ANK3: variants seen among roughly 807,000 people sequenced by gnomAD.
ANK3 encodes ankyrin 3, also known as ankyrin-3.
Under a neutral mutation model 370.9 loss-of-function variants are expected in ANK3, and 57 were observed. That is an observed-to-expected ratio of 0.15 (90% CI 0.12 to 0.19). The LOEUF is 0.19. Ranked by LOEUF, ANK3 falls within the 10% of genes least tolerant of loss-of-function variation. The probability of loss-of-function intolerance (pLI) is 1.00; values close to 1 mark genes in which losing one functional copy is unlikely to be tolerated. For synonymous variants in ANK3, 1,929 were observed against 1,946.3 expected, an observed-to-expected ratio of 0.99 and a Z score of 0.23; for missense variants, 4,439 against 5,302.1, an observed-to-expected ratio of 0.84 and a Z score of 5.06.
chr10:60,080,768 C>A (rs987188879), intron 35 of ANK3, 150 bp from the exon 36 acceptor site: 1 of 725,556 alleles, frequency 1.4e-6, no homozygotes, highest in South Asian at 1.9e-5. Context: ...GTAACCCCAC[C>A]CCCCATGTCT....
At chr10:60,395,615 TC>T (rs2063216256) in intron 2 of ANK3, among the ~76,000 whole-genome samples, 1 of 54,098 alleles carries the variant, frequency 1.8e-5, no homozygotes, top group Non-Finnish European at 3.3e-5. Flanking sequence ...TTTCTCTCTT[TC>T]GTTCTCTCTC....
chr10:60,613,990 T>C (rs1214887826), intron 2 of ANK3, among the ~76,000 whole-genome samples: 1 of 151,948 alleles, frequency 6.6e-6, no homozygotes, highest in African/African-American at 2.4e-5. Flanking sequence ...AGGAGAATTG[T>C]TTGAACCCGG....
intron 23 of ANK3, among the ~76,000 whole-genome samples, chr10:60,164,669 A>G (rs1488354060): frequency 6.6e-6 from 1 of 152,174 alleles, no homozygotes; most frequent in African/African-American, 2.4e-5. Flanking sequence ...GTTCAATAAC[A>G]TGAAGGATTT....
chr10:60,073,615 G>T lies in ANK3; in HGVS notation c.7266C>A (p.Ser2422Arg). Reference sequence around the variant, plus strand: ...ATATGAGTTGAGCAGAACTAGGGCGGCTATCTTCTTCTTGGGACACAGGAG... The same window carrying T: ...ATATGAGTTGAGCAGAACTAGGGCGTCTATCTTCTTCTTGGGACACAGGAG... ...VNTPVSQEEDSRPSSAQLISD... is the reference protein window; with the variant it reads ...VNTPVSQEEDRRPSSAQLISD... The change falls in exon 37 of 44, where the codon AGC becomes AGA. Residue 2422 changes from serine (S) to arginine (R), a missense_variant. Physicochemically the swap from Ser to Arg is moderately radical, Grantham distance 110 (BLOSUM62 -1). Coordinates refer to ENST00000280772, the MANE Select transcript of ANK3 (RefSeq NM_020987.5). 6.2e-7 allele frequency: 1 copy of T among 1,613,908 alleles called. No individual in the cohort carries two copies. The highest frequency in any genetic ancestry group is 8.5e-7 in the Non-Finnish European group (1 of 1,179,958).
chr10:60,355,690 T>C (rs1380615472), intron 1 of ANK3, among the ~76,000 whole-genome samples: 1 of 152,224 alleles, frequency 6.6e-6, no homozygotes, highest in Non-Finnish European at 1.5e-5. Context: ...GCAATATTCC[T>C]TTGTTTGTCG....
At chr10:60,079,538 A>C (rs1187443223) in intron 36 of ANK3, among the ~76,000 whole-genome samples, 1 of 152,208 alleles carries the variant, frequency 6.6e-6, no homozygotes, top group Non-Finnish European at 1.5e-5. Flanking sequence ...GGGAAAAGCC[A>C]AAGATGTGAC....
At chr10:60,271,774 A>T (rs2097990553) in intron 4 of ANK3, among the ~76,000 whole-genome samples, 2 of 152,012 alleles carry the variant, frequency 1.3e-5, no homozygotes, top group South Asian at 4.2e-4. Context: ...TTAGAAAGTA[A>T]GTTAAAAAGA....
intron 42 of ANK3, among the ~76,000 whole-genome samples, chr10:60,049,687 T>C (rs368304379): frequency 6.6e-6 from 1 of 152,216 alleles, no homozygotes; most frequent in Non-Finnish European, 1.5e-5. Flanking sequence ...TTAATAAATA[T>C]GTTAATATGT....
intron 18 of ANK3, 61 bp downstream of exon 18, chr10:60,181,268 T>C: frequency 7.4e-7 from 1 of 1,354,028 alleles, no homozygotes; most frequent in Non-Finnish European, 1.1e-6. Context: ...TATAGTTTCT[T>C]CCTTACTGCA....
At chr10:60,442,445 A>G (rs1294747191) in intron 2 of ANK3, among the ~76,000 whole-genome samples, 2 of 152,192 alleles carry the variant, frequency 1.3e-5, no homozygotes, top group Non-Finnish European at 2.9e-5. Context: ...AATACATAAT[A>G]CAATGTAAAT....
At chr10:60,361,325 C>T (rs1341025837) in intron 1 of ANK3, among the ~76,000 whole-genome samples, 4 of 152,136 alleles carry the variant, frequency 2.6e-5, no homozygotes, top group South Asian at 2.1e-4. Flanking sequence ...GAACTGCTCT[C>T]GGGAGTTTTC....
chr10:60,115,280 T>C (rs1267540480), intron 25 of ANK3, among the ~76,000 whole-genome samples: 2 of 152,222 alleles, frequency 1.3e-5, no homozygotes, highest in Non-Finnish European at 2.9e-5. Flanking sequence ...ACCAGCCTCA[T>C]TTCAGCAAAA....
At chr10:60,471,123 C>G (rs1340057804) in intron 2 of ANK3, among the ~76,000 whole-genome samples, 1 of 152,116 alleles carries the variant, frequency 6.6e-6, no homozygotes, top group Non-Finnish European at 1.5e-5. Context: ...TCACACCATA[C>G]AGATAATTTA....
intron 1 of ANK3, chr10:60,685,283 C>T (rs2079252874): frequency 4.6e-6 from 1 of 217,762 alleles, no homozygotes. Context: ...TTCTCCCTAT[C>T]CCACAAATCT....
chr10:60,382,434 AT>A (rs1157739834), intron 1 of ANK3, among the ~76,000 whole-genome samples: 3 of 152,190 alleles, frequency 2.0e-5, no homozygotes, highest in Non-Finnish European at 4.4e-5. Flanking sequence ...CTGAGAAATC[AT>A]TTACCAGAAC....
At chr10:60,473,984 AAAG>A (rs2074988374) in intron 2 of ANK3, among the ~76,000 whole-genome samples, 4 of 149,702 alleles carry the variant, frequency 2.7e-5, no homozygotes, top group African/African-American at 9.9e-5. Context: ...AAAAAAAAAA[AAAG>A]CCAAGCATGG....
chr10:60,608,800 C>T (rs947392571), intron 2 of ANK3, among the ~76,000 whole-genome samples: 1 of 152,140 alleles, frequency 6.6e-6, no homozygotes, highest in Non-Finnish European at 1.5e-5. Flanking sequence ...TCCTCTATTT[C>T]GGATCCCACT....
At chr10:60,209,729 T>C (rs1035217120) in intron 9 of ANK3, among the ~76,000 whole-genome samples, 1 of 152,186 alleles carries the variant, frequency 6.6e-6, no homozygotes, top group South Asian at 2.1e-4. Flanking sequence ...CCTGCCAAAA[T>C]ATTCTTTTGC....
intron 1 of ANK3, among the ~76,000 whole-genome samples, chr10:60,669,370 T>C (rs567489180): frequency 6.6e-6 from 1 of 152,328 alleles, no homozygotes; most frequent in Non-Finnish European, 1.5e-5. Flanking sequence ...TTCTTCTGAT[T>C]ATCTACTGGT....
Sources: allele counts gnomAD v4.1 joint callset (sites outside exome capture counted in the v4.1 genomes callset), GRCh38; gene constraint gnomAD v4.1.1; transcripts MANE v1.5; gene names NCBI Gene and HGNC (gene_info 2026-07-23, HGNC 2026-07-21).